Variants in ANXA13 observed in about 807,000 individuals in gnomAD.
ANXA13 encodes the protein annexin A13.
A neutral mutation model predicts 46.6 loss-of-function variants in ANXA13; 36 were observed. The observed-to-expected ratio is 0.77, with a 90% CI of 0.59 to 1.02. ANXA13 has a LOEUF of 1.02. Among genes scored for constraint, ANXA13 ranks in the 50% least tolerant of loss-of-function variants. The pLI is 0.00. For synonymous variants in ANXA13, 163 were observed against 152.9 expected, an observed-to-expected ratio of 1.07 and a Z score of -0.49; for missense variants, 417 against 396.5, an observed-to-expected ratio of 1.05 and a Z score of -0.44.
chr8:123,688,403 A>G (rs1392835361), intron 9 of ANXA13, among the ~76,000 whole-genome samples: 1 of 152,136 alleles, frequency 6.6e-6, no homozygotes, highest in African/African-American at 2.4e-5. Context: ...CTTTTTCTTT[A>G]TAAATTACCC....
intron 3 of ANXA13, 132 bp from the exon 4 acceptor site, chr8:123,698,691 C>A (rs1227805278): frequency 1.1e-6 from 1 of 932,210 alleles, no homozygotes; most frequent in East Asian, 2.6e-5. Context: ...AACCTGCAAC[C>A]TGCTGAGAAC....
intron 1 of ANXA13, among the ~76,000 whole-genome samples, chr8:123,733,438 A>G (rs1477633580): frequency 6.6e-6 from 1 of 152,112 alleles, no homozygotes; most frequent in African/African-American, 2.4e-5. Context: ...CCCACTTGTC[A>G]TGCAGCTTTC....
At chr8:123,716,717 G>A (rs1283475063) in intron 1 of ANXA13, among the ~76,000 whole-genome samples, 1 of 152,088 alleles carries the variant, frequency 6.6e-6, no homozygotes, top group Non-Finnish European at 1.5e-5. Context: ...CAGGAGCTGG[G>A]TACCGAACTT....
At chr8:123,717,964 GC>G (rs1444133096) in intron 1 of ANXA13, among the ~76,000 whole-genome samples, 2 of 152,220 alleles carry the variant, frequency 1.3e-5, no homozygotes, top group African/African-American at 2.4e-5. Flanking sequence ...TGGGGCTCAC[GC>G]CCAGACTCGC....
At chr8:123,714,709 G>A (rs949256569) in intron 1 of ANXA13, among the ~76,000 whole-genome samples, 3 of 152,200 alleles carry the variant, frequency 2.0e-5, no homozygotes, top group African/African-American at 7.2e-5. Context: ...TAACCTCCCT[G>A]CCTTTTGGAA....
intron 1 of ANXA13, among the ~76,000 whole-genome samples, chr8:123,715,477 G>A (rs2129905631): frequency 2.6e-5 from 4 of 152,366 alleles, no homozygotes; most frequent in Middle Eastern, 6.8e-3. Flanking sequence ...TAATTCATGA[G>A]CTGTTCTCTA....
chr8:123,700,066 C>T (rs928751178), intron 3 of ANXA13, among the ~76,000 whole-genome samples: 8 of 152,136 alleles, frequency 5.3e-5, no homozygotes, highest in East Asian at 1.9e-4. Flanking sequence ...GAGAAAAACC[C>T]GGAATATTTT....
intron 3 of ANXA13, among the ~76,000 whole-genome samples, chr8:123,700,022 A>G (rs1813413530): frequency 6.6e-6 from 1 of 152,164 alleles, no homozygotes; most frequent in South Asian, 2.1e-4. Flanking sequence ...CACATCAACT[A>G]TTTTTCAAAT....
Position 123,698,473 on chromosome 8 carries a change from G to A in ANXA13, c.273C>T (p.Ala91=), listed in dbSNP as rs141969958. The change falls in exon 4 of 11, where the codon GCC becomes GCT. Residue 91 remains alanine (A), a synonymous_variant. Transcript: ENST00000419625. ...TCATAGCCTTCTGCAGCTGCCGGGCGGCGTACTCGCTGGGACGGTCCAGAA... is the reference window on the plus strand; with the variant it reads ...TCATAGCCTTCTGCAGCTGCCGGGCAGCGTACTCGCTGGGACGGTCCAGAA... ...LALLDRPSEY[A]ARQLQKAMKG... 7.7e-4 allele frequency: 1,239 copies of A among 1,614,164 alleles called. 2 individuals are homozygous for A. The highest frequency in any genetic ancestry group is 8.5e-4 in the Non-Finnish European group (1,008 of 1,180,022).
At chr8:123,685,992 T>C (rs1364312108) in intron 9 of ANXA13, among the ~76,000 whole-genome samples, 1 of 152,186 alleles carries the variant, frequency 6.6e-6, no homozygotes, top group Admixed American at 6.5e-5. Context: ...CTGCCTGAAG[T>C]CACCGTGTTC....
At chr8:123,736,144 G>T (rs1774686781) in intron 1 of ANXA13, among the ~76,000 whole-genome samples, 1 of 152,200 alleles carries the variant, frequency 6.6e-6, no homozygotes, top group South Asian at 2.1e-4. Flanking sequence ...CCTTTCCTAA[G>T]AATATATTTG....
chr8:123,711,089 G>A lies in ANXA13; in HGVS notation c.91+1589C>T, dbSNP rs1813649664. Among the ~76,000 whole-genome samples, 4 of 152,164 alleles carry A rather than the reference G, an allele frequency of 2.6e-5. No individual in the cohort carries two copies. In the South Asian group the frequency reaches 6.2e-4, roughly 24 times the overall value. ...CCCTACTCAGTGGGGCCCTTAGTGT[G>A]TATCAGCAGTCTTCTGTTGGTCGTC... is the stretch of plus-strand genomic sequence containing the variant. On this transcript the variant is annotated intron_variant, in intron 2 of 10. Coordinates refer to ENST00000419625, the MANE Select transcript of ANXA13 (RefSeq NM_004306.4).
chr8:123,703,633 C>G (rs568395516), intron 2 of ANXA13, among the ~76,000 whole-genome samples: 1 of 152,176 alleles, frequency 6.6e-6, no homozygotes, highest in African/African-American at 2.4e-5. Flanking sequence ...ATTAACCCCA[C>G]CCATACATTT....
At chr8:123,736,556 A>G (rs1265719128) in intron 1 of ANXA13, among the ~76,000 whole-genome samples, 1 of 152,180 alleles carries the variant, frequency 6.6e-6, no homozygotes, top group African/African-American at 2.4e-5. Context: ...ATAATAATGG[A>G]ATATTTTCAC....
At chr8:123,685,960 G>T (rs1312371865) in intron 9 of ANXA13, among the ~76,000 whole-genome samples, 1 of 152,128 alleles carries the variant, frequency 6.6e-6, no homozygotes, top group African/African-American at 2.4e-5. Flanking sequence ...CATACAGCAC[G>T]GCTTGATGTG....
chr8:123,725,198 T>C (rs1221104342), intron 1 of ANXA13, among the ~76,000 whole-genome samples: 6 of 152,262 alleles, frequency 3.9e-5, no homozygotes, highest in Non-Finnish European at 8.8e-5. Context: ...GATTAATTTA[T>C]ATTAAAAAGT....
intron 1 of ANXA13, among the ~76,000 whole-genome samples, chr8:123,727,060 T>C (rs1444008389): frequency 1.3e-5 from 2 of 151,808 alleles, no homozygotes; most frequent in Admixed American, 1.3e-4. Flanking sequence ...GGGGAAAGGG[T>C]GGGAGAGGGT....
chr8:123,700,890 ACGGCTC>A (rs1340160569), intron 3 of ANXA13, among the ~76,000 whole-genome samples: 1 of 151,146 alleles, frequency 6.6e-6, no homozygotes, highest in Non-Finnish European at 1.5e-5. Flanking sequence ...TGGTGCAACT[ACGGCTC>A]ACTGAGGCCT....
At chr8:123,717,095 A>G (rs1455633941) in intron 1 of ANXA13, among the ~76,000 whole-genome samples, 1 of 152,216 alleles carries the variant, frequency 6.6e-6, no homozygotes, top group African/African-American at 2.4e-5. Flanking sequence ...AAACAGCACA[A>G]GATATTAAAC....
Sources: allele counts gnomAD v4.1 joint callset (sites outside exome capture counted in the v4.1 genomes callset), GRCh38; gene constraint gnomAD v4.1.1; transcripts MANE v1.5; gene names NCBI Gene and HGNC (gene_info 2026-07-23, HGNC 2026-07-21).